Variants in ADCY2 observed in about 807,000 individuals in gnomAD.
ADCY2 encodes adenylate cyclase type 2.
Under a neutral mutation model 125.2 loss-of-function variants are expected in ADCY2, and 31 were observed. The ratio of observed to expected loss-of-function variants is 0.25; its 90% CI spans 0.19 to 0.33. The LOEUF is 0.33. Among genes scored for constraint, ADCY2 ranks in the 10% least tolerant of loss-of-function variants. The pLI is 1.00. For missense variants in ADCY2, 904 were observed against 1,418.2 expected (o/e 0.64, Z 5.82); for synonymous variants, 512 against 548.4 (o/e 0.93, Z 0.93).
At chr5:7,578,521 G>A (rs2126609294) in intron 3 of ADCY2, among the ~76,000 whole-genome samples, 1 of 152,160 alleles carries the variant, frequency 6.6e-6, no homozygotes, top group Admixed American at 6.5e-5. Flanking sequence ...TTTGTTTGTT[G>A]ATGTATTTTG....
At chr5:7,618,909 G>A (rs887673658) in intron 3 of ADCY2, among the ~76,000 whole-genome samples, 9 of 152,162 alleles carry the variant, frequency 5.9e-5, no homozygotes, top group Non-Finnish European at 1.2e-4. Context: ...TTTTTGAAAA[G>A]CATTGAGATG....
In ADCY2 at chr5:7,479,015, C is replaced by T. The variant is rs370320565; in HGVS notation, c.409-41723C>T. ...TATTTTATAAAGGCATAACTTTTTTCGCTCATATTATTGTCAGTGTTTGGA... is the reference window on the plus strand; with the variant it reads ...TATTTTATAAAGGCATAACTTTTTTTGCTCATATTATTGTCAGTGTTTGGA... On this transcript the variant is annotated intron_variant, in intron 2 of 24. Coordinates refer to ENST00000338316, the MANE Select transcript of ADCY2 (RefSeq NM_020546.3). Among the ~76,000 whole-genome samples the T allele has an allele frequency of 7.2e-4, 110 of 151,924 alleles. 1 individual carries two copies. The highest frequency in any genetic ancestry group is 2.6e-3 in the African/African-American group (106 of 41,458).
At chr5:7,438,918 A>G (rs995612824) in intron 2 of ADCY2, among the ~76,000 whole-genome samples, 1 of 152,136 alleles carries the variant, frequency 6.6e-6, no homozygotes, top group African/African-American at 2.4e-5. Context: ...GGACAGCAGG[A>G]CACAGCACGT....
At chr5:7,756,373 G>C (rs1008797132) in intron 15 of ADCY2, among the ~76,000 whole-genome samples, 1 of 152,134 alleles carries the variant, frequency 6.6e-6, no homozygotes, top group African/African-American at 2.4e-5. Context: ...TATCAAAAAA[G>C]TTTCCCCAAC....
chr5:7,629,433 C>G (rs1738244472), intron 4 of ADCY2, among the ~76,000 whole-genome samples: 1 of 152,118 alleles, frequency 6.6e-6, no homozygotes, highest in Non-Finnish European at 1.5e-5. Flanking sequence ...TTTTCAGATG[C>G]AAGTGAGATG....
In ADCY2 at chr5:7,658,431, G is replaced by GTGTA. The variant is rs59664339; in HGVS notation, c.720+32116_720+32117insGTAT. Among the ~76,000 whole-genome samples, 63 of 143,008 alleles carry GTGTA rather than the reference G, an allele frequency of 4.4e-4. 1 individual carries two copies. The highest frequency in any genetic ancestry group is 9.7e-4 in the African/African-American group (38 of 39,028). The allele number at this position is 143,008 out of a possible 152,430, so 93.8% of individuals were successfully genotyped here. On this transcript the variant is annotated intron_variant, in intron 4 of 24. Coordinates refer to ENST00000338316, the MANE Select transcript of ADCY2 (RefSeq NM_020546.3). ...TGTGTGTGTGTGTGTGTGTGTGTGT[G>GTGTA]TATATATATATATATTTGAGATGGA...
chr5:7,422,098 G>A (rs1740226567), intron 2 of ADCY2, among the ~76,000 whole-genome samples: 1 of 151,922 alleles, frequency 6.6e-6, no homozygotes, highest in Non-Finnish European at 1.5e-5. Context: ...AATCCTTCTT[G>A]CCTGTTACAT....
At chr5:7,561,124 C>T (rs1275226007) in intron 3 of ADCY2, among the ~76,000 whole-genome samples, 3 of 152,206 alleles carry the variant, frequency 2.0e-5, no homozygotes, top group Non-Finnish European at 4.4e-5. Flanking sequence ...TGCTTGCATG[C>T]TTGGGCTCCT....
chr5:7,443,484 C>CA (rs1741088823), intron 2 of ADCY2, among the ~76,000 whole-genome samples: 1 of 151,012 alleles, frequency 6.6e-6, no homozygotes. Flanking sequence ...ACTAAAAATA[C>CA]AAAAAATTAG....
At chr5:7,626,066 A>G in intron 3 of ADCY2, 101 bp from the exon 4 acceptor site, 1 of 1,282,352 alleles carries the variant, frequency 7.8e-7, no homozygotes, top group East Asian at 2.4e-5. Flanking sequence ...AACTTCCTGC[A>G]GTTATCTCTC....
chr5:7,717,470 C>A (rs1344691925), intron 12 of ADCY2, among the ~76,000 whole-genome samples: 1 of 152,112 alleles, frequency 6.6e-6, no homozygotes, highest in African/African-American at 2.4e-5. Flanking sequence ...GATAAACAAC[C>A]TGAGGTGTAA....
intron 2 of ADCY2, among the ~76,000 whole-genome samples, chr5:7,417,668 G>A (rs1025844424): frequency 6.6e-6 from 1 of 152,296 alleles, no homozygotes; most frequent in Non-Finnish European, 1.5e-5. Flanking sequence ...TCCTTAGAAC[G>A]ATCTTTCCTG....
intron 3 of ADCY2, among the ~76,000 whole-genome samples, chr5:7,525,598 G>A (rs1444398987): frequency 1.3e-5 from 2 of 151,934 alleles, no homozygotes; most frequent in African/African-American, 2.4e-5. Context: ...TAGGCATTAG[G>A]TGTTGGGTGT....
At chr5:7,465,140 C>T (rs557227372) in intron 2 of ADCY2, among the ~76,000 whole-genome samples, 8 of 152,314 alleles carry the variant, frequency 5.3e-5, no homozygotes, top group East Asian at 3.9e-4. Flanking sequence ...TCCCACAACA[C>T]GTGGGAATTA....
chr5:7,487,233 C>T (rs1469702239), intron 2 of ADCY2, among the ~76,000 whole-genome samples: 1 of 152,174 alleles, frequency 6.6e-6, no homozygotes, highest in Non-Finnish European at 1.5e-5. Context: ...AGCCAAGGGC[C>T]TGCCCATCCT....
chr5:7,789,871 C>A, intron 20 of ADCY2, 71 bp downstream of exon 20: 1 of 1,269,640 alleles, frequency 7.9e-7, no homozygotes, highest in Non-Finnish European at 1.1e-6. Context: ...GGGCTGAAAG[C>A]TTCTTCAGTG....
At chr5:7,657,473 A>C (rs1265992834) in intron 4 of ADCY2, among the ~76,000 whole-genome samples, 1 of 152,208 alleles carries the variant, frequency 6.6e-6, no homozygotes, top group African/African-American at 2.4e-5. Flanking sequence ...AGTGACATGA[A>C]GTGATGATCA....
intron 3 of ADCY2, among the ~76,000 whole-genome samples, chr5:7,582,703 G>A (rs2126614273): frequency 1.3e-5 from 2 of 152,182 alleles, no homozygotes; most frequent in African/African-American, 4.8e-5. Flanking sequence ...AAAACACTCA[G>A]TAGTTTAGAA....
chr5:7,668,957 T>C (rs1341391825), intron 4 of ADCY2, among the ~76,000 whole-genome samples: 1 of 152,200 alleles, frequency 6.6e-6, no homozygotes, highest in African/African-American at 2.4e-5. Flanking sequence ...TACTCCACTA[T>C]TTTCCTGAAA....
Sources: gnomAD v4.1 joint callset for allele counts (sites outside exome capture counted in the v4.1 genomes callset) on GRCh38, gnomAD v4.1.1 for gene constraint, MANE v1.5 for transcripts, NCBI Gene and HGNC (gene_info 2026-07-23, HGNC 2026-07-21) for gene names.